The following ANO3 variants were observed in gnomAD, a reference collection of about 807,000 sequenced individuals.
The protein encoded by ANO3 is anoctamin-3.
In ANO3, 99 loss-of-function variants were observed where a neutral mutation model predicts 144.8. The observed-to-expected ratio is 0.68, with a 90% confidence interval of 0.58 to 0.81. ANO3 has a LOEUF of 0.81. ANO3 is among the 30% of genes least tolerant of loss of function. The pLI, the probability that ANO3 is intolerant of heterozygous loss-of-function variation, is 0.00. For synonymous variants in ANO3, 414 were observed against 392.6 expected, an observed-to-expected ratio of 1.05 and a Z score of -0.64; for missense variants, 905 against 1,202.2, an observed-to-expected ratio of 0.75 and a Z score of 3.66.
At chr11:26,621,354 A>G (rs1206784991) in intron 17 of ANO3, among the ~76,000 whole-genome samples, 1 of 151,908 alleles carries the variant, frequency 6.6e-6, no homozygotes, top group Non-Finnish European at 1.5e-5. Flanking sequence ...CTTTCTCTCT[A>G]ACTTCCCTGC....
At chr11:26,365,416 C>G (rs1267367255) in intron 1 of ANO3, among the ~76,000 whole-genome samples, 1 of 152,194 alleles carries the variant, frequency 6.6e-6, no homozygotes, top group Non-Finnish European at 1.5e-5. Context: ...AGTGGGGATT[C>G]TCTGGGGCTT....
rs529683226 is a variant in ANO3 at position 26,285,366 on chromosome 11, G to A, written c.155-24279G>A. Among the ~76,000 whole-genome samples the A allele has an allele frequency of 3.2e-3, 482 of 152,212 alleles. 2 individuals are homozygous for A. The highest frequency in any genetic ancestry group is 4.7e-3 in the Non-Finnish European group (317 of 67,996). On this transcript the variant is annotated intron_variant, in intron 1 of 27. Coordinates refer to the ANO3 transcript ENST00000672621. Reference sequence around the variant, plus strand: ...ACATGTTGTATGAAATTTGAAAGATGTCATTGTTATTAAGATTTATAAAAT... The same window carrying A: ...ACATGTTGTATGAAATTTGAAAGATATCATTGTTATTAAGATTTATAAAAT...
chr11:26,346,961 T>C (rs900972460), intron 1 of ANO3, among the ~76,000 whole-genome samples: 2 of 152,210 alleles, frequency 1.3e-5, no homozygotes, highest in African/African-American at 4.8e-5. Flanking sequence ...GCCATTCTTA[T>C]CTTTGGAATA....
At position 26,642,887 on chromosome 11, in the gene ANO3, C is replaced by T. The variant is rs539698547; in HGVS notation, c.2276-295C>T. Among the ~76,000 whole-genome samples, 10 of 152,022 alleles carry T rather than the reference C, an allele frequency of 6.6e-5. No homozygotes were observed. The South Asian group carries it at 2.1e-3, about 32-fold the overall frequency. On this transcript the variant is annotated intron_variant, in intron 22 of 26. Coordinates refer to ENST00000256737, the MANE Select transcript of ANO3 (RefSeq NM_031418.4). The stretch of plus-strand genomic sequence containing the variant: ...CCTCCTCTGTTTTGTCTCCCATCTT[C>T]CCTCTATTTCTTCTTTTTCTCTCTC...
intron 1 of ANO3, among the ~76,000 whole-genome samples, chr11:26,392,142 T>C (rs1352717804): frequency 6.6e-6 from 1 of 152,020 alleles, no homozygotes; most frequent in African/African-American, 2.4e-5. Context: ...ATCTTTCAGC[T>C]CTTTTCATAA....
chr11:26,221,968 T>C (rs927520596), intron 1 of ANO3, among the ~76,000 whole-genome samples: 1 of 152,172 alleles, frequency 6.6e-6, no homozygotes, highest in Admixed American at 6.5e-5. Context: ...AACCATATCA[T>C]GCTGCCCCTG....
chr11:26,237,017 T>C (rs1852546977), intron 1 of ANO3, among the ~76,000 whole-genome samples: 1 of 152,138 alleles, frequency 6.6e-6, no homozygotes, highest in Non-Finnish European at 1.5e-5. Context: ...TAGTGACTCC[T>C]CTGCCCCTCC....
At chr11:26,328,736 A>T (rs969787484), upstream of ANO3, among the ~76,000 whole-genome samples, 2 of 152,288 alleles carry the variant, frequency 1.3e-5, no homozygotes, top group Admixed American at 6.5e-5. Context: ...CTAGGTCCAA[A>T]GAGAAAAAAG....
intron 1 of ANO3, among the ~76,000 whole-genome samples, chr11:26,269,496 A>G (rs1424902298): frequency 6.6e-6 from 1 of 152,138 alleles, no homozygotes; most frequent in African/African-American, 2.4e-5. Context: ...GCGTTACTCC[A>G]TGGGGGAAAA....
intron 1 of ANO3, among the ~76,000 whole-genome samples, chr11:26,352,318 T>G (rs1245873596): frequency 2.6e-5 from 4 of 152,206 alleles, no homozygotes; most frequent in Non-Finnish European, 4.4e-5. Flanking sequence ...GGCTGGGAAC[T>G]GAAGGCAGTG....
chr11:26,220,472 G>C (rs1852120115), intron 1 of ANO3, among the ~76,000 whole-genome samples: 3 of 152,168 alleles, frequency 2.0e-5, no homozygotes, highest in Admixed American at 2.0e-4. Context: ...CAATACCTAA[G>C]ATGTTTATCC....
intron 4 of ANO3, among the ~76,000 whole-genome samples, chr11:26,502,294 G>C (rs915588749): frequency 6.6e-6 from 1 of 152,084 alleles, no homozygotes; most frequent in Non-Finnish European, 1.5e-5. Context: ...TGTTGCGACT[G>C]TTCTGCTTGC....
intron 5 of ANO3, among the ~76,000 whole-genome samples, chr11:26,511,031 T>C (rs947086642): frequency 6.6e-6 from 1 of 152,326 alleles, no homozygotes; most frequent in Admixed American, 6.5e-5. Context: ...TACAGTTCTT[T>C]TAGTCCACAT....
At chr11:26,232,131 G>T (rs893951727) in intron 1 of ANO3, among the ~76,000 whole-genome samples, 4 of 152,116 alleles carry the variant, frequency 2.6e-5, no homozygotes, top group African/African-American at 9.7e-5. Flanking sequence ...TCTATTGAAG[G>T]TCTATGTGGT....
intron 1 of ANO3, among the ~76,000 whole-genome samples, chr11:26,262,851 C>T (rs1275661516): frequency 6.6e-6 from 1 of 152,050 alleles, no homozygotes; most frequent in Non-Finnish European, 1.5e-5. Context: ...AAGAGCTGCA[C>T]ATTGATCTTG....
In ANO3 at chr11:26,547,692, TG is replaced by T. The variant is rs142099565; in HGVS notation, c.1289+143del. ...TTTGCTATTTCTGTTTTTTGGCTTT[TG>T]TTTTTGGTAGGAAGAGAACACAATT... On this transcript the variant is annotated intron_variant, in intron 12 of 26. Coordinates refer to ENST00000256737, the MANE Select transcript of ANO3 (RefSeq NM_031418.4). The T allele has an allele frequency of 0.52, 390,492 of 745,672 alleles. 99,023 individuals are homozygous for T. Among genetic ancestry groups the T allele is most frequent in the East Asian group, 0.68 (24,386 of 36,028 alleles). 46.2% of individuals were successfully genotyped at this position (745,672 alleles called of 1,614,324 possible).
At chr11:26,605,996 C>T (rs199790828) in intron 17 of ANO3, among the ~76,000 whole-genome samples, 66,927 of 151,068 alleles carry the variant, frequency 0.44, 15,576 homozygotes, top group East Asian at 0.68. Flanking sequence ...ATTTGTTTGC[C>T]TTTCCTTCTC....
At chr11:26,277,453 G>C (rs1197244139) in intron 1 of ANO3, among the ~76,000 whole-genome samples, 1 of 151,966 alleles carries the variant, frequency 6.6e-6, no homozygotes, top group Admixed American at 6.6e-5. Context: ...TCCTTAAGTG[G>C]ATCCTAATGG....
chr11:26,519,272 G>A (rs1861975654), intron 6 of ANO3, among the ~76,000 whole-genome samples: 1 of 152,158 alleles, frequency 6.6e-6, no homozygotes, highest in African/African-American at 2.4e-5. Context: ...CAAAGAGAGA[G>A]CATGTCTTCC....
Sources: allele counts gnomAD v4.1 joint callset (sites outside exome capture counted in the v4.1 genomes callset), GRCh38; gene constraint gnomAD v4.1.1; transcripts MANE v1.5; gene names NCBI Gene and HGNC (gene_info 2026-07-23, HGNC 2026-07-21).